Variants in EXOC5 observed in about 807,000 individuals in gnomAD.
EXOC5 encodes exocyst complex component 5, also known as SEC10-like 1.
EXOC5 carries 17 observed loss-of-function variants against 90.8 expected under a neutral mutation model. The observed-to-expected ratio is 0.19, with a 90% CI of 0.13 to 0.28. EXOC5 has a LOEUF of 0.28. Among genes scored for constraint, EXOC5 ranks in the 10% least tolerant of loss-of-function variants. The pLI is 1.00. For synonymous variants in EXOC5, 260 were observed against 270.0 expected, an observed-to-expected ratio of 0.96 and a Z score of 0.36; for missense variants, 569 against 830.6, an observed-to-expected ratio of 0.69 and a Z score of 3.87.
At chr14:57,253,603 A>T (rs1884256817) in intron 1 of EXOC5, among the ~76,000 whole-genome samples, 1 of 152,212 alleles carries the variant, frequency 6.6e-6, no homozygotes, top group Non-Finnish European at 1.5e-5. Context: ...CTAATTTCAA[A>T]ACTTACTACA....
chr14:57,216,683 C>G (rs1180662399), intron 15 of EXOC5, among the ~76,000 whole-genome samples: 2 of 152,032 alleles, frequency 1.3e-5, no homozygotes, highest in African/African-American at 4.8e-5. Context: ...AACTATAAAA[C>G]TAGTAGAAGA....
chr14:57,240,076 C>T (rs1478749196), intron 4 of EXOC5, among the ~76,000 whole-genome samples: 4 of 152,140 alleles, frequency 2.6e-5, no homozygotes, highest in African/African-American at 7.2e-5. Context: ...CCACATATAT[C>T]CTACTGTAAG....
At chr14:57,258,140 G>C (rs930218136) in intron 1 of EXOC5, among the ~76,000 whole-genome samples, 1 of 152,114 alleles carries the variant, frequency 6.6e-6, no homozygotes, top group African/African-American at 2.4e-5. Flanking sequence ...ACAGTGTGAC[G>C]ATTCCTCAAG....
chr14:57,231,448 T>G lies in EXOC5; in HGVS notation c.1148+58A>C, dbSNP rs978278040. 6 of 1,181,140 alleles carry G rather than the reference T, an allele frequency of 5.1e-6. No individual in the cohort carries two copies. The Admixed American group carries it at 1.5e-4, about 29-fold the overall frequency. 73.2% of individuals were successfully genotyped at this position (1,181,140 alleles called of 1,614,324 possible). A position where few individuals can be genotyped will look rare whatever the true frequency, so the allele number is the denominator to read the frequency against. On this transcript the variant is annotated intron_variant, in intron 11 of 17. Transcript: ENST00000621441. ...GTCAACATTTGATAATTTGCCCAAATATAATGAAGTTATTAATGTCTTCAG... is the reference window on the plus strand; with the variant it reads ...GTCAACATTTGATAATTTGCCCAAAGATAATGAAGTTATTAATGTCTTCAG...
At chr14:57,246,665 ATAT>A (rs775596294) in intron 3 of EXOC5, 43 bp downstream of exon 3, 17 of 1,488,594 alleles carry the variant, frequency 1.1e-5, no homozygotes, top group Admixed American at 1.9e-5. Flanking sequence ...GAAAATAAAG[ATAT>A]TATAGCCTAT....
intron 15 of EXOC5, among the ~76,000 whole-genome samples, chr14:57,214,094 A>C (rs1229068054): frequency 6.6e-6 from 1 of 152,170 alleles, no homozygotes; most frequent in Non-Finnish European, 1.5e-5. Context: ...GCACAGAATA[A>C]GGAGAAAAAA....
At chr14:57,237,105 T>C (rs1883686361) in intron 6 of EXOC5, among the ~76,000 whole-genome samples, 1 of 152,080 alleles carries the variant, frequency 6.6e-6, no homozygotes, top group Non-Finnish European at 1.5e-5. Context: ...CACACATATA[T>C]AGAATTTATG....
At chr14:57,232,964 T>G (rs1474637515) in intron 9 of EXOC5, 1 of 415,622 alleles carries the variant, frequency 2.4e-6, no homozygotes, top group Middle Eastern at 6.5e-4. Context: ...TAGAGGATCT[T>G]TATCAGTCTT....
intron 1 of EXOC5, among the ~76,000 whole-genome samples, chr14:57,262,101 C>T (rs1407012389): frequency 1.3e-5 from 2 of 152,178 alleles, no homozygotes; most frequent in Non-Finnish European, 2.9e-5. Context: ...ACTGAGAAGG[C>T]TGAAGTGTTC....
chr14:57,222,758 CACACATATATAT>C (rs1240254016), intron 12 of EXOC5, among the ~76,000 whole-genome samples: 2 of 149,278 alleles, frequency 1.3e-5, no homozygotes, highest in African/African-American at 5.0e-5. Context: ...TACACACACA[CACACATATATAT>C]ATATATATAT....
intron 2 of EXOC5, 117 bp from the exon 3 acceptor site, chr14:57,246,975 A>T: frequency 1.7e-6 from 1 of 583,674 alleles, no homozygotes; most frequent in East Asian, 3.2e-5. Context: ...TGAAATGATC[A>T]TGTTAATTTT....
intron 12 of EXOC5, among the ~76,000 whole-genome samples, chr14:57,224,976 C>T (rs1434098429): frequency 6.6e-6 from 1 of 151,986 alleles, no homozygotes; most frequent in Non-Finnish European, 1.5e-5. Context: ...GCAGGAGAAT[C>T]GCTTGGACTG....
chr14:57,225,591 A>G (rs1594656864), intron 12 of EXOC5, among the ~76,000 whole-genome samples: 1 of 97,296 alleles, frequency 1.0e-5, no homozygotes, highest in African/African-American at 2.7e-4. Context: ...GGAATCTACA[A>G]AAAAAAAAAA....
intron 2 of EXOC5, among the ~76,000 whole-genome samples, 158 bp downstream of exon 2, chr14:57,247,460 C>T (rs1390899823): frequency 6.6e-6 from 1 of 152,074 alleles, no homozygotes; most frequent in Non-Finnish European, 1.5e-5. Context: ...AAGAAAAAAT[C>T]TCAAACTTTT....
At position 57,208,232 on chromosome 14, in the gene EXOC5, T is replaced by C. The variant is rs1281351180; in HGVS notation, c.*377A>G. On this transcript the variant is annotated 3_prime_UTR_variant, in exon 18 of 18. Coordinates refer to ENST00000621441, the MANE Select transcript of EXOC5 (RefSeq NM_006544.4). ...CACCTATTATTAATGGAAAACAGAA[T>C]GGCAAAATTTCTAAATGGAATATGT... The C allele has an allele frequency of 2.5e-5, 4 of 162,280 alleles. No individual in the cohort carries two copies. In the Admixed American group the frequency reaches 2.5e-4, roughly 10 times the overall value. The allele number at this position is 162,280 out of a possible 1,614,324, so 10.1% of individuals were successfully genotyped here. A position where few individuals can be genotyped will look rare whatever the true frequency, so the allele number is the denominator to read the frequency against.
intron 1 of EXOC5, among the ~76,000 whole-genome samples, chr14:57,262,309 AC>A (rs1566507954): frequency 1.3e-5 from 2 of 152,142 alleles, no homozygotes; most frequent in African/African-American, 4.8e-5. Context: ...AGATGAGAAA[AC>A]TGAGGTACAA....
In EXOC5 at chr14:57,268,851, C is replaced by G; in HGVS notation, c.-203G>C. 2 of 1,269,294 alleles carry G rather than the reference C, an allele frequency of 1.6e-6. No homozygotes were observed. The highest frequency in any genetic ancestry group is 1.7e-5 in the South Asian group (1 of 59,942). 78.6% of individuals were successfully genotyped at this position (1,269,294 alleles called of 1,614,324 possible). A position where few individuals can be genotyped will look rare whatever the true frequency, so the allele number is the denominator to read the frequency against. The stretch of plus-strand genomic sequence containing the variant: ...CCGCAAACGCTTGTCAGCTGCCTCC[C>G]GGCGCCGCCCGCGCTGCTCCCATTG... On this transcript the variant is annotated 5_prime_UTR_variant, in exon 1 of 18. Transcript: ENST00000621441.
At chr14:57,232,487 T>A (rs1393476991) in intron 10 of EXOC5, 180 bp downstream of exon 10, 10 of 372,214 alleles carry the variant, frequency 2.7e-5, no homozygotes, top group Middle Eastern at 7.0e-4. Context: ...GACGTTAATG[T>A]ATTAAGAATG....
chr14:57,225,886 C>T (rs190881281), intron 12 of EXOC5, among the ~76,000 whole-genome samples: 80 of 152,252 alleles, frequency 5.3e-4, no homozygotes, highest in Non-Finnish European at 8.4e-4. Context: ...AAGGTGCTTC[C>T]AGGTTACAGG....
Sources: gnomAD v4.1 joint callset for allele counts (sites outside exome capture counted in the v4.1 genomes callset) on GRCh38, gnomAD v4.1.1 for gene constraint, MANE v1.5 for transcripts, NCBI Gene and HGNC (gene_info 2026-07-23, HGNC 2026-07-21) for gene names.